The following FGD5 variants were observed in gnomAD, a reference collection of about 807,000 sequenced individuals.
FGD5 encodes the protein FYVE, RhoGEF and PH domain-containing protein 5.
Under a neutral mutation model 133.4 loss-of-function variants are expected in FGD5, and 28 were observed. That is an observed-to-expected ratio of 0.21 (90% confidence interval 0.16 to 0.29). The LOEUF (loss-of-function observed/expected upper bound fraction) is 0.29, where lower values mean the gene tolerates loss of function less well. Among genes scored for constraint, FGD5 ranks in the 10% least tolerant of loss-of-function variants. The probability of loss-of-function intolerance (pLI) is 1.00; values close to 1 mark genes in which losing one functional copy is unlikely to be tolerated. For missense variants in FGD5, 1,858 were observed against 1,895.2 expected (o/e 0.98, Z 0.36); for synonymous variants, 810 against 776.5 (o/e 1.04, Z -0.72).
At chr3:14,868,434 C>T (rs2037539991) in intron 2 of FGD5, among the ~76,000 whole-genome samples, 1 of 152,234 alleles carries the variant, frequency 6.6e-6, no homozygotes, top group Non-Finnish European at 1.5e-5. Flanking sequence ...GACCGGTGTC[C>T]CTGGTCCTTG....
At chr3:14,898,269 C>G (rs578162909) in intron 6 of FGD5, among the ~76,000 whole-genome samples, 174 bp downstream of exon 6, 111 of 152,246 alleles carry the variant, frequency 7.3e-4, no homozygotes, top group African/African-American at 2.7e-3. Flanking sequence ...ACCCAGAATT[C>G]AGAACATCCG....
At chr3:14,851,138 G>A (rs1343804992) in intron 1 of FGD5, among the ~76,000 whole-genome samples, 1 of 135,316 alleles carries the variant, frequency 7.4e-6, no homozygotes, top group Non-Finnish European at 1.6e-5. Flanking sequence ...TAAGCGTTGA[G>A]GAGCTCTGCC....
intron 2 of FGD5, among the ~76,000 whole-genome samples, chr3:14,877,326 G>A (rs998502787): frequency 2.0e-5 from 3 of 152,220 alleles, no homozygotes; most frequent in South Asian, 2.1e-4. Context: ...TGCCCCGTGC[G>A]TCCCACCCAG....
chr3:14,897,787 G>A (rs2038164693), intron 5 of FGD5, 118 bp downstream of exon 5: 9 of 1,450,262 alleles, frequency 6.2e-6, no homozygotes, highest in African/African-American at 2.9e-5. Context: ...GCCGAACTCC[G>A]AAGTGTTAAG....
chr3:14,880,798 A>G, intron 4 of FGD5, 26 bp downstream of exon 4: 1 of 1,611,670 alleles, frequency 6.2e-7, no homozygotes, highest in South Asian at 1.1e-5. Context: ...TAATTGTCCA[A>G]AACTAATTGC....
Position 14,821,389 on chromosome 3 carries a change from A to T in FGD5, c.2318A>T (p.Asp773Val). 1 of 1,614,008 alleles carries T rather than the reference A, an allele frequency of 6.2e-7. No homozygotes were observed. Among genetic ancestry groups the T allele is most frequent in the Non-Finnish European group, 8.5e-7 (1 of 1,179,898 alleles). ...SISFPSADTS[D>V]YENIPAMNSD... ...TCCTTCCCCAGCGCTGACACTTCAG[A>T]CTATGAGAACATTCCAGCCATGAAC... The change falls in exon 1 of 20, where the codon GAC (aspartate) becomes GTC (valine). Residue 773 changes from aspartate to valine, a missense_variant. Asp to Val is a radical substitution (Grantham distance 152). Coordinates refer to ENST00000285046, the MANE Select transcript of FGD5 (RefSeq NM_152536.4).
At chr3:14,818,888 G>A, upstream of FGD5, 1 of 1,413,844 alleles carries the variant, frequency 7.1e-7, no homozygotes, top group Non-Finnish European at 9.2e-7. Flanking sequence ...CAACTGGTGT[G>A]TAGGAGACTC....
chr3:14,859,648 T>C (rs529545427), intron 1 of FGD5, among the ~76,000 whole-genome samples: 1 of 152,272 alleles, frequency 6.6e-6, no homozygotes, highest in South Asian at 2.1e-4. Flanking sequence ...TTTTGAAATA[T>C]GTAATACTTA....
At chr3:14,899,036 C>A (rs575495610) in intron 7 of FGD5, among the ~76,000 whole-genome samples, 12 of 152,146 alleles carry the variant, frequency 7.9e-5, no homozygotes, top group Non-Finnish European at 1.8e-4. Context: ...CCAGTGGCCA[C>A]CCCTGATCCT....
At chr3:14,861,159 G>T (rs371749632) in intron 1 of FGD5, among the ~76,000 whole-genome samples, 2 of 152,154 alleles carry the variant, frequency 1.3e-5, no homozygotes, top group Non-Finnish European at 1.5e-5. Context: ...CGCTGAAGAC[G>T]GGGGAGTGGC....
At chr3:14,877,188 A>G (rs1398324572) in intron 2 of FGD5, among the ~76,000 whole-genome samples, 1 of 152,216 alleles carries the variant, frequency 6.6e-6, no homozygotes, top group African/African-American at 2.4e-5. Context: ...AAACATCTAT[A>G]TTAAATGGCC....
chr3:14,847,592 T>C (rs1359451546), intron 1 of FGD5, among the ~76,000 whole-genome samples: 1 of 152,220 alleles, frequency 6.6e-6, no homozygotes. Flanking sequence ...CTTCACTAAA[T>C]CCTCACAGCA....
chr3:14,931,367 G>C (rs536653069), intron 18 of FGD5: 2 of 152,160 alleles, frequency 1.3e-5, no homozygotes, highest in Admixed American at 6.5e-5. Flanking sequence ...GTTTTCTGGG[G>C]TTTTAGGGAT....
At chr3:14,812,409 G>T (rs937270523) in intron 1 of FGD5, among the ~76,000 whole-genome samples, 1 of 152,180 alleles carries the variant, frequency 6.6e-6, no homozygotes. Flanking sequence ...TGGTGAGAGC[G>T]TTTCCAGTTT....
intron 2 of FGD5, among the ~76,000 whole-genome samples, chr3:14,879,582 C>G (rs1450908311): frequency 6.6e-6 from 1 of 152,378 alleles, no homozygotes; most frequent in East Asian, 1.9e-4. Flanking sequence ...CACTCACTCA[C>G]TCCTCACTCA....
At chr3:14,885,952 T>C (rs1276240885) in intron 4 of FGD5, among the ~76,000 whole-genome samples, 2 of 152,212 alleles carry the variant, frequency 1.3e-5, no homozygotes, top group Admixed American at 1.3e-4. Flanking sequence ...TTCCTAAACA[T>C]TCTGTGTTGG....
At chr3:14,860,807 T>TAA (rs1387255238) in intron 1 of FGD5, among the ~76,000 whole-genome samples, 6 of 136,390 alleles carry the variant, frequency 4.4e-5, no homozygotes, top group East Asian at 3.9e-4. Context: ...GACCCCTTTT[T>TAA]TAAAAAAAAA....
upstream of FGD5, among the ~76,000 whole-genome samples, chr3:14,817,556 T>A (rs1442301549): frequency 6.6e-6 from 1 of 152,248 alleles, no homozygotes; most frequent in Non-Finnish European, 1.5e-5. Flanking sequence ...TAGTGATACA[T>A]GTGGCTCACA....
chr3:14,870,414 C>T (rs1159839963), intron 2 of FGD5, among the ~76,000 whole-genome samples: 1 of 152,242 alleles, frequency 6.6e-6, no homozygotes, highest in Non-Finnish European at 1.5e-5. Context: ...CCTCTTGATA[C>T]CCAGGAGCCA....
Sources: gnomAD v4.1 joint callset for allele counts (sites outside exome capture counted in the v4.1 genomes callset) on GRCh38, gnomAD v4.1.1 for gene constraint, MANE v1.5 for transcripts, NCBI Gene and HGNC (gene_info 2026-07-23, HGNC 2026-07-21) for gene names.